Variants in GABRB3 observed in about 807,000 individuals in gnomAD.
The protein encoded by GABRB3 is gamma-aminobutyric acid receptor subunit beta-3.
A neutral mutation model predicts 52.1 loss-of-function variants in GABRB3; 14 were observed. The observed-to-expected ratio is 0.27, with a 90% CI of 0.18 to 0.42. The LOEUF (loss-of-function observed/expected upper bound fraction) is 0.42, where lower values mean the gene tolerates loss of function less well. GABRB3 is among the 10% of genes least tolerant of loss of function. The probability of loss-of-function intolerance (pLI) is 1.00; values close to 1 mark genes in which losing one functional copy is unlikely to be tolerated. For missense variants in GABRB3, 307 were observed against 609.1 expected (o/e 0.50, Z 5.22); for synonymous variants, 260 against 232.3 (o/e 1.12, Z -1.08).
chr15:26,623,425 G>A (rs1398691012), intron 3 of GABRB3, among the ~76,000 whole-genome samples: 1 of 152,144 alleles, frequency 6.6e-6, no homozygotes, highest in African/African-American at 2.4e-5. Context: ...GGACCTTGGA[G>A]GGAGGGCCCC....
At chr15:26,595,298 C>A (rs8036052) in intron 4 of GABRB3, among the ~76,000 whole-genome samples, 122,062 of 152,032 alleles carry the variant, frequency 0.8, 50,756 homozygotes, top group East Asian at 1. Context: ...TTTAGAACAT[C>A]TGTACACAAT....
intron 5 of GABRB3, among the ~76,000 whole-genome samples, chr15:26,582,615 A>T (rs1890828602): frequency 6.6e-6 from 1 of 152,256 alleles, no homozygotes; most frequent in Admixed American, 6.5e-5. Context: ...GTTTCTCAAT[A>T]TGTTCATTCA....
intron 3 of GABRB3, among the ~76,000 whole-genome samples, chr15:26,641,859 T>G (rs1893209964): frequency 6.6e-6 from 1 of 152,052 alleles, no homozygotes; most frequent in South Asian, 2.1e-4. Flanking sequence ...AGGGGCCCAC[T>G]TATACACAGA....
chr15:26,759,462 T>C (rs989965874), intron 3 of GABRB3, among the ~76,000 whole-genome samples: 7 of 152,206 alleles, frequency 4.6e-5, no homozygotes, highest in African/African-American at 1.7e-4. Flanking sequence ...GGTTTCACCA[T>C]GTTGGCCAGA....
At chr15:26,616,713 T>G (rs1199962701) in intron 4 of GABRB3, among the ~76,000 whole-genome samples, 2 of 152,128 alleles carry the variant, frequency 1.3e-5, no homozygotes, top group African/African-American at 2.4e-5. Flanking sequence ...GGTTATTATA[T>G]AAAGTTTACT....
intron 6 of GABRB3, among the ~76,000 whole-genome samples, chr15:26,572,445 G>A (rs184916320): frequency 6.6e-6 from 1 of 152,162 alleles, no homozygotes; most frequent in African/African-American, 2.4e-5. Context: ...AAGATGCCAC[G>A]AGACAGAGAC....
At chr15:26,718,786 C>T (rs983338512) in intron 3 of GABRB3, among the ~76,000 whole-genome samples, 1 of 152,200 alleles carries the variant, frequency 6.6e-6, no homozygotes, top group Non-Finnish European at 1.5e-5. Context: ...CCAACTTAAT[C>T]CTGTTACTCC....
chr15:26,755,840 G>A (rs1890644993), intron 3 of GABRB3, among the ~76,000 whole-genome samples: 2 of 152,006 alleles, frequency 1.3e-5, no homozygotes, highest in African/African-American at 4.8e-5. Context: ...AGTAACTTAG[G>A]CACAAAGATA....
chr15:26,685,636 T>TGATTATGAA (rs1479265553), intron 3 of GABRB3, among the ~76,000 whole-genome samples: 63 of 152,254 alleles, frequency 4.1e-4, no homozygotes, highest in African/African-American at 1.5e-3. Context: ...GATTCAAGAA[T>TGATTATGAA]ACTTTCAATA....
At chr15:26,605,351 G>C (rs557649128) in intron 4 of GABRB3, among the ~76,000 whole-genome samples, 1 of 152,294 alleles carries the variant, frequency 6.6e-6, no homozygotes, top group East Asian at 1.9e-4. Flanking sequence ...AGAAAAATTT[G>C]GAGGTGCCTC....
chr15:26,717,272 A>AGCTCTGGGGACC (rs1889519507), intron 3 of GABRB3, among the ~76,000 whole-genome samples: 1 of 112,688 alleles, frequency 8.9e-6, no homozygotes, highest in South Asian at 3.0e-4. Context: ...CTCTGGGGAT[A>AGCTCTGGGGACC]TCCACCCGAT....
At chr15:26,733,424 AT>A (rs1225765100) in intron 3 of GABRB3, among the ~76,000 whole-genome samples, 4 of 152,218 alleles carry the variant, frequency 2.6e-5, no homozygotes, top group Non-Finnish European at 5.9e-5. Flanking sequence ...ACAATAAAAA[AT>A]AATAATACTT....
chr15:26,678,874 G>A (rs1167248638), intron 3 of GABRB3, among the ~76,000 whole-genome samples: 1 of 152,160 alleles, frequency 6.6e-6, no homozygotes, highest in African/African-American at 2.4e-5. Flanking sequence ...AATCAGAGGA[G>A]CCCAGTGATT....
At chr15:26,558,269 T>C (rs1387472768) in intron 8 of GABRB3, among the ~76,000 whole-genome samples, 2 of 152,198 alleles carry the variant, frequency 1.3e-5, no homozygotes, top group African/African-American at 4.8e-5. Context: ...GACCCTCAGT[T>C]TTCTGACCAA....
intron 7 of GABRB3, among the ~76,000 whole-genome samples, chr15:26,567,053 C>A (rs1308439035): frequency 2.0e-5 from 3 of 152,072 alleles, no homozygotes; most frequent in Non-Finnish European, 4.4e-5. Context: ...ATATTGGAAC[C>A]TATAATACAT....
chr15:26,652,178 T>G (rs1487523172), intron 3 of GABRB3, among the ~76,000 whole-genome samples: 1 of 152,232 alleles, frequency 6.6e-6, no homozygotes, highest in Non-Finnish European at 1.5e-5. Context: ...CTCAACAAAC[T>G]GTCAACTAAG....
intron 3 of GABRB3, among the ~76,000 whole-genome samples, chr15:26,724,472 C>T (rs1889720373): frequency 6.6e-6 from 1 of 152,182 alleles, no homozygotes; most frequent in African/African-American, 2.4e-5. Flanking sequence ...AAAGACTCCA[C>T]CGATAGCAAC....
chr15:26,684,585 A>G (rs927544376), intron 3 of GABRB3, among the ~76,000 whole-genome samples: 2 of 152,132 alleles, frequency 1.3e-5, no homozygotes, highest in Non-Finnish European at 2.9e-5. Context: ...CTTCTGATTT[A>G]CACTGAGGGA....
chr15:26,548,191 A>C, intron 8 of GABRB3, 57 bp from the exon 9 acceptor site: 11 of 1,355,244 alleles, frequency 8.1e-6, no homozygotes, highest in Non-Finnish European at 1.1e-5. Context: ...TTCCCTATGC[A>C]GATCCCGGAC....
Sources: allele counts gnomAD v4.1 joint callset (sites outside exome capture counted in the v4.1 genomes callset), GRCh38; gene constraint gnomAD v4.1.1; transcripts MANE v1.5; gene names NCBI Gene and HGNC (gene_info 2026-07-23, HGNC 2026-07-21).